The following CRYZL1 variants were observed in gnomAD, a reference collection of about 807,000 sequenced individuals.
CRYZL1 encodes the protein ferry endosomal RAB5 effector complex subunit 4.
Under a neutral mutation model 50.6 loss-of-function variants are expected in CRYZL1, and 34 were observed. The ratio of observed to expected loss-of-function variants is 0.67; its 90% CI spans 0.51 to 0.89. CRYZL1 has a LOEUF of 0.89. Ranked by LOEUF, CRYZL1 falls within the 40% of genes least tolerant of loss-of-function variation. The pLI, the probability that CRYZL1 is intolerant of heterozygous loss-of-function variation, is 0.00. For synonymous variants in CRYZL1, 125 were observed against 134.3 expected, an observed-to-expected ratio of 0.93 and a Z score of 0.48; for missense variants, 354 against 402.3, an observed-to-expected ratio of 0.88 and a Z score of 1.03.
At chr21:33,607,115 T>C (rs1465877419) in intron 6 of CRYZL1, among the ~76,000 whole-genome samples, 1 of 152,174 alleles carries the variant, frequency 6.6e-6, no homozygotes, top group Non-Finnish European at 1.5e-5. Context: ...AAAACAACAA[T>C]GCTGAAAATT....
chr21:33,631,776 T>G (rs1186724038), intron 1 of CRYZL1, among the ~76,000 whole-genome samples: 1 of 152,212 alleles, frequency 6.6e-6, no homozygotes, highest in Non-Finnish European at 1.5e-5. Flanking sequence ...CAGTTCAACC[T>G]TTTACTACAA....
chr21:33,630,247 T>C (rs2087121804), intron 2 of CRYZL1, among the ~76,000 whole-genome samples: 1 of 152,168 alleles, frequency 6.6e-6, no homozygotes, highest in Admixed American at 6.6e-5. Flanking sequence ...TAAATTAGTA[T>C]AGCCATTATG....
At chr21:33,591,298 T>C in intron 11 of CRYZL1, 91 bp from the exon 12 acceptor site, 1 of 1,032,428 alleles carries the variant, frequency 9.7e-7, no homozygotes, top group South Asian at 1.3e-5. Context: ...CCACTTTCTC[T>C]TGTTTCAAGT....
chr21:33,616,078 C>A (rs995295864), intron 5 of CRYZL1, among the ~76,000 whole-genome samples: 4 of 152,144 alleles, frequency 2.6e-5, no homozygotes, highest in Non-Finnish European at 5.9e-5. Flanking sequence ...CTATCCCTCC[C>A]CCCCCCAACC....
At position 33,595,752 on chromosome 21, in the gene CRYZL1, C is replaced by G; in HGVS notation, c.883G>C (p.Val295Leu). Residue 295 changes from valine (V) to leucine (L), a missense_variant, in exon 11 of 13, where the codon GTA becomes CTA. Transcript: ENST00000381554. ...ATATAAAGATATTTTCCCTGTTGTA[C>G]ATTTGACAAATTCCAAACTTCATCA... ...LNDEVWNLSNVQQGKYLCILK... is the reference protein window; with the variant it reads ...LNDEVWNLSNLQQGKYLCILK... 1 of 1,613,908 alleles carries G rather than the reference C, an allele frequency of 6.2e-7. No homozygotes were observed. The highest frequency in any genetic ancestry group is 8.5e-7 in the Non-Finnish European group (1 of 1,179,796).
At chr21:33,597,606 G>A (rs1001649121) in intron 9 of CRYZL1, among the ~76,000 whole-genome samples, 1 of 100,218 alleles carries the variant, frequency 1.0e-5, no homozygotes, top group East Asian at 3.0e-4. Context: ...TGTGTCCGCC[G>A]GCACTCTCTT....
intron 5 of CRYZL1, 100 bp from the exon 6 acceptor site, chr21:33,613,706 A>G (rs568426153): frequency 9.5e-6 from 8 of 843,100 alleles, no homozygotes; most frequent in Middle Eastern, 2.3e-4. Flanking sequence ...AATTTTGAGG[A>G]AGGTTCCAGT....
intron 4 of CRYZL1, among the ~76,000 whole-genome samples, chr21:33,617,375 A>G (rs2086945920): frequency 6.6e-6 from 1 of 152,180 alleles, no homozygotes; most frequent in African/African-American, 2.4e-5. Flanking sequence ...TATAGCTTCT[A>G]TGATAATTAT....
In CRYZL1 at chr21:33,604,632, TTA is replaced by T. The variant is rs371624927; in HGVS notation, c.332-1097_332-1096del. Among the ~76,000 whole-genome samples the T allele has an allele frequency of 4.0e-3, 607 of 152,342 alleles. 4 individuals are homozygous for T. The highest frequency in any genetic ancestry group is 0.014 in the African/African-American group (583 of 41,574). ...TCTACCTTGCTTTTTATGTTCCATA[TTA>T]TGTTTTTAAGGCATCCATTCTGTGG... is the stretch of plus-strand genomic sequence containing the variant. On this transcript the variant is annotated intron_variant, in intron 6 of 12. Coordinates refer to ENST00000381554, the MANE Select transcript of CRYZL1 (RefSeq NM_145858.3).
At chr21:33,640,242 G>A (rs1203002253) in intron 1 of CRYZL1, 30 of 1,542,716 alleles carry the variant, frequency 1.9e-5, no homozygotes, top group African/African-American at 2.8e-5. Context: ...AAGGCTGGCA[G>A]CTTTATCTTG....
chr21:33,637,242 G>A (rs1251680972), intron 1 of CRYZL1, among the ~76,000 whole-genome samples: 1 of 151,988 alleles, frequency 6.6e-6, no homozygotes, highest in Admixed American at 6.6e-5. Flanking sequence ...TCAGGAGATG[G>A]CGACTATCCT....
intron 1 of CRYZL1, among the ~76,000 whole-genome samples, chr21:33,637,816 G>C (rs935616233): frequency 6.9e-6 from 1 of 145,492 alleles, no homozygotes; most frequent in Non-Finnish European, 1.5e-5. Flanking sequence ...TAAACAGCTA[G>C]ACAAGAGAAA....
chr21:33,620,686 C>T (rs2086985024), intron 4 of CRYZL1, among the ~76,000 whole-genome samples: 1 of 151,822 alleles, frequency 6.6e-6, no homozygotes, highest in Non-Finnish European at 1.5e-5. Flanking sequence ...GTGATGAGCG[C>T]CTGTAGCCCC....
chr21:33,600,933 G>GTTTT (rs764185960), intron 8 of CRYZL1, among the ~76,000 whole-genome samples: 1,011 of 59,564 alleles, frequency 0.017, 328 homozygotes, highest in Middle Eastern at 0.077. Context: ...GGTCCATAAA[G>GTTTT]TTTTTTTTTT....
At chr21:33,632,389 T>A (rs1245805454) in intron 1 of CRYZL1, among the ~76,000 whole-genome samples, 2 of 150,748 alleles carry the variant, frequency 1.3e-5, no homozygotes, top group Non-Finnish European at 2.9e-5. Context: ...ATTTATTTAT[T>A]TTTTTTTAGA....
At position 33,589,603 on chromosome 21, in the gene CRYZL1, C is replaced by A; in HGVS notation, c.*219G>T. ...AATGAAAAGGTTTTTAGAAAAATTC[C>A]CTTAAGATGTTAATTATAGAATTAT... On this transcript the variant is annotated 3_prime_UTR_variant, in exon 13 of 13. Transcript: ENST00000381554. The A allele has an allele frequency of 2.0e-6, 1 of 508,440 alleles. No homozygotes were observed. Among genetic ancestry groups the A allele is most frequent in the South Asian group, 3.3e-5 (1 of 30,678 alleles). The allele number at this position is 508,440 out of a possible 1,614,324, so 31.5% of individuals were successfully genotyped here. A position where few individuals can be genotyped will look rare whatever the true frequency, so the allele number is the denominator to read the frequency against.
At chr21:33,640,319 T>A (rs779163746) in intron 1 of CRYZL1, 26 of 1,347,340 alleles carry the variant, frequency 1.9e-5, no homozygotes, top group Non-Finnish European at 2.4e-5. Context: ...AACAGAGGCA[T>A]CGATAAGGGA....
chr21:33,599,042 CA>C, intron 9 of CRYZL1, 107 bp downstream of exon 9: 4 of 929,494 alleles, frequency 4.3e-6, no homozygotes, highest in Non-Finnish European at 6.5e-6. Context: ...TAAAACTGAA[CA>C]TCTGGTTTAA....
intron 2 of CRYZL1, among the ~76,000 whole-genome samples, chr21:33,626,102 A>T (rs2087059749): frequency 6.6e-6 from 1 of 151,828 alleles, no homozygotes; most frequent in South Asian, 2.1e-4. Context: ...TACAGGCATG[A>T]GCCACTATGC....
Sources: allele counts gnomAD v4.1 joint callset (sites outside exome capture counted in the v4.1 genomes callset), GRCh38; gene constraint gnomAD v4.1.1; transcripts MANE v1.5; gene names NCBI Gene and HGNC (gene_info 2026-07-23, HGNC 2026-07-21).